PASD1: variants seen among roughly 807,000 people sequenced by gnomAD.
PASD1 encodes the protein PAS domain containing repressor 1, also known as circadian clock protein PASD1.
PASD1 carries 13 observed loss-of-function variants against 58.8 expected under a neutral mutation model. The ratio of observed to expected loss-of-function variants is 0.22; its 90% CI spans 0.14 to 0.35. PASD1 has a LOEUF of 0.35. Among genes scored for constraint, PASD1 ranks in the 10% least tolerant of loss-of-function variants. PASD1 has a pLI of 1.00. For missense variants in PASD1, 734 were observed against 568.3 expected (o/e 1.29, Z -2.96); for synonymous variants, 236 against 216.7 (o/e 1.09, Z -0.78).
In PASD1 at chrX:151,673,910, A is replaced by G; in HGVS notation, c.1917-18A>G. On this transcript the variant is annotated intron_variant, in intron 14 of 15. Coordinates refer to ENST00000370357, the MANE Select transcript of PASD1 (RefSeq NM_173493.3). ...ATGTCCAGATCCACATCACTGCAAC[A>G]GCTTTCTTCTCTTACAGTTTTTATC... The G allele has an allele frequency of 8.3e-7, 1 of 1,210,154 alleles. No individual in the cohort carries two copies. Among genetic ancestry groups the G allele is most frequent in the Non-Finnish European group, 1.1e-6 (1 of 894,296 alleles).
chrX:151,566,733 A>G (rs2012848088), intron 1 of PASD1, among the ~76,000 whole-genome samples: 1 of 111,867 alleles, frequency 8.9e-6, no homozygotes, highest in African/African-American at 3.2e-5. Context: ...AAAATGTTTC[A>G]GTGAGCATTT....
intron 9 of PASD1, among the ~76,000 whole-genome samples, chrX:151,650,917 G>A (rs193110831): frequency 1.3e-3 from 146 of 111,514 alleles, no homozygotes; most frequent in South Asian, 2.3e-3. Context: ...TTTGCTAGCG[G>A]AGTCCTAGAG....
intron 9 of PASD1, among the ~76,000 whole-genome samples, chrX:151,649,844 A>T (rs911687081): frequency 8.9e-6 from 1 of 112,270 alleles, no homozygotes; most frequent in Non-Finnish European, 1.9e-5. Context: ...ATGAATTTGT[A>T]CTGGGATCAG....
intron 8 of PASD1, among the ~76,000 whole-genome samples, chrX:151,629,360 C>A (rs776948911): frequency 1.8e-5 from 2 of 111,000 alleles, no homozygotes; most frequent in African/African-American, 3.3e-5. Flanking sequence ...CCTCATGATC[C>A]GCCCGCCTCG....
At chrX:151,647,466 T>A (rs1256345911) in intron 8 of PASD1, among the ~76,000 whole-genome samples, 2 of 109,835 alleles carry the variant, frequency 1.8e-5, no homozygotes, top group East Asian at 5.6e-4. Context: ...AAGAAATATT[T>A]TATATTTTAC....
chrX:151,578,442 C>A (rs2013042513), intron 1 of PASD1: 1 of 112,007 alleles, frequency 8.9e-6, no homozygotes, highest in Admixed American at 9.5e-5. Context: ...GCAAGAAGAC[C>A]ATCAGCTAAT....
rs200293926 is a variant in PASD1 at position 151,580,508 on chromosome X, CTTTTTTTT to C, written c.-28+16680_-28+16687del. ...CTCCCTTTACATCATTTCTTTTTTT[CTTTTTTTT>C]TTTTTTTTTTGGTGGAAGTAGTCTA... On this transcript the variant is annotated intron_variant, in intron 1 of 15. Coordinates refer to ENST00000370357, the MANE Select transcript of PASD1 (RefSeq NM_173493.3). Among the ~76,000 whole-genome samples the C allele has an allele frequency of 1.1e-3, 77 of 67,159 alleles. 1 individual carries two copies. The highest frequency in any genetic ancestry group is 9.9e-3 in the East Asian group (21 of 2,114). The allele number at this position is 67,159 out of a possible 115,157, so 58.3% of individuals were successfully genotyped here.
At position 151,671,255 on chromosome X, in the gene PASD1, AGAG is replaced by A. The variant is rs936063263; in HGVS notation, c.1230+63_1230+65del. The A allele has an allele frequency of 7.0e-6, 8 of 1,149,755 alleles. No individual in the cohort carries two copies. In the African/African-American group the frequency reaches 7.2e-5, roughly 10 times the overall value. 94.8% of individuals were successfully genotyped at this position (1,149,755 alleles called of 1,213,427 possible). ...CAGTTCTATATTAGTAGCAGAAGGA[AGAG>A]GAGAGAGGGACCTTGGCAAGCCTTA... is the stretch of plus-strand genomic sequence containing the variant. On this transcript the variant is annotated intron_variant, in intron 12 of 15. Transcript: ENST00000370357.
chrX:151,625,231 A>G (rs2013768290), intron 7 of PASD1, among the ~76,000 whole-genome samples: 1 of 111,861 alleles, frequency 8.9e-6, no homozygotes, highest in African/African-American at 3.3e-5. Context: ...AAACTTTGAA[A>G]TTCTGCTCCT....
chrX:151,571,552 T>C (rs996107608), intron 1 of PASD1, among the ~76,000 whole-genome samples: 2 of 111,767 alleles, frequency 1.8e-5, no homozygotes, highest in African/African-American at 3.3e-5. Flanking sequence ...ACATGTCTTA[T>C]AGAGTCATGG....
At chrX:151,574,492 C>T (rs749328831) in intron 1 of PASD1, among the ~76,000 whole-genome samples, 13 of 111,790 alleles carry the variant, frequency 1.2e-4, no homozygotes, top group Admixed American at 1.9e-4. Flanking sequence ...GAGAAGGAAG[C>T]TGAGGAAAAC....
At chrX:151,587,071 C>T (rs2013175055) in intron 1 of PASD1, among the ~76,000 whole-genome samples, 1 of 111,668 alleles carries the variant, frequency 9.0e-6, no homozygotes, top group Admixed American at 9.5e-5. Flanking sequence ...AATATTCTGC[C>T]GGAATGTTCA....
chrX:151,608,681 T>C (rs1429543932), intron 3 of PASD1, among the ~76,000 whole-genome samples: 1 of 111,645 alleles, frequency 9.0e-6, no homozygotes, highest in Non-Finnish European at 1.9e-5. Flanking sequence ...TTTTGAGTTA[T>C]TTCTTGTGTA....
intron 3 of PASD1, among the ~76,000 whole-genome samples, chrX:151,608,051 A>G (rs191335425): frequency 2.5e-4 from 28 of 111,460 alleles, no homozygotes; most frequent in Admixed American, 2.2e-3. Context: ...GTGTATGTCT[A>G]GGAGTGAGAT....
chrX:151,656,771 G>C (rs1449786645), intron 9 of PASD1, among the ~76,000 whole-genome samples: 10 of 111,436 alleles, frequency 9.0e-5, no homozygotes, highest in Admixed American at 6.7e-4. Flanking sequence ...GAGACGATGG[G>C]GTTTTCTAAA....
In PASD1 at chrX:151,664,340, A is replaced by T; in HGVS notation, c.1063A>T (p.Ser355Cys). 8.3e-7 allele frequency: 1 copy of T among 1,211,747 alleles called. No individual in the cohort carries two copies. The highest frequency in any genetic ancestry group is 1.8e-5 in the South Asian group (1 of 56,937). Residue 355 changes from serine to cysteine, a missense_variant, in exon 11 of 16, where the codon AGT becomes TGT. Ser to Cys is a moderately radical substitution (Grantham distance 112, BLOSUM62 -1). Coordinates refer to ENST00000370357, the MANE Select transcript of PASD1 (RefSeq NM_173493.3). ...DSVDLGAAGA[S>C]AQPLQPSSPV... ...AGTGGACCTGGGGGCTGCTGGCGCA[A>T]GTGCTCAGGTACTCTGAAAGTCTCG...
rs755719678 is a variant in PASD1, at chrX:151,672,247, A to G, written c.1502A>G (p.Gln501Arg). Residue 501 changes from glutamine to arginine, a missense_variant, in exon 14 of 16, where the codon CAA becomes CGA. Coordinates refer to ENST00000370357, the MANE Select transcript of PASD1 (RefSeq NM_173493.3). ...EQQRQLREQL[Q>R]QLREQRKVQK... ...CAGCGGCAGCTGCGGGAGCAGCTGC[A>G]ACAGCTGAGAGAGCAAAGGAAGGTG... 36 of 1,164,548 alleles carry G rather than the reference A, an allele frequency of 3.1e-5. No homozygotes were observed. Among genetic ancestry groups the G allele is most frequent in the East Asian group, 2.0e-4 (6 of 30,726 alleles).
At chrX:151,615,265 A>G (rs764387680) in intron 4 of PASD1, among the ~76,000 whole-genome samples, 1 of 110,769 alleles carries the variant, frequency 9.0e-6, no homozygotes, top group African/African-American at 3.3e-5. Flanking sequence ...TTTCCCTATC[A>G]AGAAGCTCTT....
intron 11 of PASD1, among the ~76,000 whole-genome samples, chrX:151,667,867 C>T (rs6627173): frequency 0.26 from 29,115 of 110,598 alleles, 3,838 homozygotes; most frequent in East Asian, 0.94. Flanking sequence ...AATGCAGGCT[C>T]TTTTTTGGTT....
Sources: gnomAD v4.1 joint callset for allele counts (sites outside exome capture counted in the v4.1 genomes callset) on GRCh38, gnomAD v4.1.1 for gene constraint, MANE v1.5 for transcripts, NCBI Gene and HGNC (gene_info 2026-07-23, HGNC 2026-07-21) for gene names.